TMEM184B: variants seen among roughly 807,000 people sequenced by gnomAD.
The protein encoded by TMEM184B is putative MAPK-activating protein FM08.
TMEM184B carries 17 observed loss-of-function variants against 41.8 expected under a neutral mutation model. The ratio of observed to expected loss-of-function variants is 0.41; its 90% confidence interval spans 0.28 to 0.61. The LOEUF (loss-of-function observed/expected upper bound fraction) is 0.61, where lower values mean the gene tolerates loss of function less well. Among genes scored for constraint, TMEM184B ranks in the 20% least tolerant of loss-of-function variants. The pLI is 0.34. For missense variants in TMEM184B, 393 were observed against 557.8 expected, an observed-to-expected ratio of 0.70 and a Z score of 2.98; for synonymous variants, 240 against 229.5, an observed-to-expected ratio of 1.05 and a Z score of -0.41.
rs775892838 is a variant in TMEM184B, at chr22:38,247,914, C to T, written c.48G>A (p.Thr16=). ...AGACGCTGGGCGAGGCTGCTGCGGT[C>T]GTGGGCGACGCTGGATCCGGGGCCA... ...DVLAPDPASP[T]TAAASPSVSV... The change falls in exon 2 of 9, where the codon ACG becomes ACA. Residue 16 remains threonine, a synonymous_variant. Transcript: ENST00000361906. The T allele has an allele frequency of 1.1e-5, 18 of 1,602,994 alleles. No homozygotes were observed. In the South Asian group the frequency reaches 1.6e-4, roughly 14 times the overall value.
chr22:38,254,155 C>G (rs1019887062), intron 1 of TMEM184B, among the ~76,000 whole-genome samples: 1 of 145,306 alleles, frequency 6.9e-6, no homozygotes, highest in South Asian at 2.3e-4. Context: ...GAGCCAAGAT[C>G]GTGCCATTGC....
chr22:38,255,823 G>C (rs2092267782), intron 1 of TMEM184B, among the ~76,000 whole-genome samples: 1 of 152,180 alleles, frequency 6.6e-6, no homozygotes, highest in Non-Finnish European at 1.5e-5. Flanking sequence ...TGCTCAAAAT[G>C]ACAAAGCTAT....
rs759106919 is a variant in TMEM184B at position 38,230,658 on chromosome 22, G to A, written c.525+11C>T. ...CTCCTCCTGAGCTAGGCAGCTGCTG[G>A]GGGCACACACCTGTTTGCAGAACCT... On this transcript the variant is annotated intron_variant, in intron 5 of 8. Transcript: ENST00000361906. The A allele has an allele frequency of 3.1e-6, 5 of 1,607,274 alleles. No homozygotes were observed. The highest frequency in any genetic ancestry group is 8.5e-7 in the Non-Finnish European group (1 of 1,177,162).
chr22:38,249,204 C>T lies in TMEM184B; in HGVS notation c.-58-1185G>A, dbSNP rs112296323. 3.9e-5 allele frequency among the ~76,000 whole-genome samples: 6 copies of T among 152,312 alleles called. 1 individual carries two copies. The highest frequency in any genetic ancestry group is 1.4e-4 in the African/African-American group (6 of 41,558). ...TCGCTCTGTTGCCCAGGCTAGAGTG[C>T]AATGGTGCAATCTCGGCTCCCTGCG... On this transcript the variant is annotated intron_variant, in intron 1 of 8. Coordinates refer to ENST00000361906, the MANE Select transcript of TMEM184B (RefSeq NM_012264.5).
chr22:38,272,340 T>G (rs915031925), intron 1 of TMEM184B, among the ~76,000 whole-genome samples: 8 of 152,096 alleles, frequency 5.3e-5, no homozygotes, highest in African/African-American at 1.9e-4. Flanking sequence ...GGCAAACATC[T>G]TTCGAGCCCC....
rs896642294 is a variant in TMEM184B at position 38,226,019 on chromosome 22, C to T, written c.618-426G>A. ...CACCTGCCCTGGCAGGGCTGTTACA[C>T]AGTTCACAGACAGTGTGTGCCGAGA... On this transcript the variant is annotated intron_variant, in intron 6 of 8. Coordinates refer to ENST00000361906, the MANE Select transcript of TMEM184B (RefSeq NM_012264.5). This position sits in a 1 kb window ranked among gnomAD's most constrained non-coding sequence, Gnocchi z 4.6. Among the ~76,000 whole-genome samples the T allele has an allele frequency of 2.0e-5, 3 of 152,068 alleles. No homozygotes were observed. Among genetic ancestry groups the T allele is most frequent in the Admixed American group, 1.3e-4 (2 of 15,262 alleles).
chr22:38,230,640 T>G (rs1336177839), intron 5 of TMEM184B, 29 bp downstream of exon 5: 7 of 1,597,498 alleles, frequency 4.4e-6, no homozygotes, highest in Non-Finnish European at 5.1e-6. Context: ...CTGCTCCTCC[T>G]GAGCTAGGCA....
chr22:38,266,390 T>C (rs12485196), intron 1 of TMEM184B, among the ~76,000 whole-genome samples: 25,935 of 152,268 alleles, frequency 0.17, 2,392 homozygotes, highest in East Asian at 0.25. Flanking sequence ...AGGGTACGAA[T>C]AGCGCCCCTT....
intron 1 of TMEM184B, among the ~76,000 whole-genome samples, chr22:38,272,344 G>C (rs2092537133): frequency 6.6e-6 from 1 of 152,108 alleles, no homozygotes; most frequent in Non-Finnish European, 1.5e-5. Context: ...AACATCTTTC[G>C]AGCCCCAGGT....
At chr22:38,272,669 G>A (rs1172566048) in intron 1 of TMEM184B, 1 of 985,552 alleles carries the variant, frequency 1.0e-6, no homozygotes, top group Non-Finnish European at 1.2e-6. Flanking sequence ...ACACCCACGG[G>A]CGACCTCGCG....
At chr22:38,229,065 G>A (rs2091534478) in intron 5 of TMEM184B, among the ~76,000 whole-genome samples, 1 of 152,264 alleles carries the variant, frequency 6.6e-6, no homozygotes, top group African/African-American at 2.4e-5. Flanking sequence ...TCTGGAAGCA[G>A]AACTGGAGAC....
intron 5 of TMEM184B, among the ~76,000 whole-genome samples, chr22:38,230,221 C>T (rs1034974286): frequency 1.3e-5 from 2 of 152,130 alleles, no homozygotes; most frequent in African/African-American, 4.8e-5. Context: ...GGAAGTCAGC[C>T]CAGGAAGCTA....
chr22:38,269,260 C>T (rs994578634), intron 1 of TMEM184B, among the ~76,000 whole-genome samples: 6 of 152,226 alleles, frequency 3.9e-5, no homozygotes, highest in Non-Finnish European at 7.3e-5. Context: ...TTCTATCACC[C>T]ACCAGACTGG....
rs34060428 is a variant in TMEM184B, at chr22:38,241,883, C to CAAAAAAAAAAAAAAAAA, written c.358+4035_358+4051dup. Among the ~76,000 whole-genome samples, 98 of 32,598 alleles carry CAAAAAAAAAAAAAAAAA rather than the reference C, an allele frequency of 3.0e-3. 5 individuals carry two copies. The highest frequency in any genetic ancestry group is 0.019 in the Middle Eastern group (1 of 54). The allele number at this position is 32,598 out of a possible 152,430, so 21.4% of individuals were successfully genotyped here. On this transcript the variant is annotated intron_variant, in intron 3 of 8. Transcript: ENST00000361906. ...TGGGTGACAGAGCGAGACTCCGTCT[C>CAAAAAAAAAAAAAAAAA]AAAAAAAAAAAAAAAAAAAAAAAAG...
At chr22:38,253,835 G>C (rs1190778690) in intron 1 of TMEM184B, among the ~76,000 whole-genome samples, 1 of 152,194 alleles carries the variant, frequency 6.6e-6, no homozygotes, top group East Asian at 1.9e-4. Flanking sequence ...ACAAGCCACA[G>C]AGTGGAAGAA....
At position 38,241,911 on chromosome 22, in the gene TMEM184B, C is replaced by T. The variant is rs574939973; in HGVS notation, c.358+4024G>A. ...AAAAAAAAAAAAAAAAAAAAAAGAA[C>T]GAGACCTGTCTCTTAAACAAAGCCC... is the stretch of plus-strand genomic sequence containing the variant. On this transcript the variant is annotated intron_variant, in intron 3 of 8. Coordinates refer to ENST00000361906, the MANE Select transcript of TMEM184B (RefSeq NM_012264.5). Among the ~76,000 whole-genome samples, 17 of 95,434 alleles carry T rather than the reference C, an allele frequency of 1.8e-4. 1 individual carries two copies. The highest frequency in any genetic ancestry group is 3.6e-4 in the Non-Finnish European group (17 of 46,664). 62.6% of individuals were successfully genotyped at this position (95,434 alleles called of 152,430 possible). A position where few individuals can be genotyped will look rare whatever the true frequency, so the allele number is the denominator to read the frequency against.
chr22:38,252,750 C>T (rs1168210173), intron 1 of TMEM184B, among the ~76,000 whole-genome samples: 3 of 152,238 alleles, frequency 2.0e-5, no homozygotes, highest in Non-Finnish European at 2.9e-5. Flanking sequence ...GCAACCTGCG[C>T]GGGTACTTCT....
At chr22:38,234,112 C>T (rs998324707) in intron 3 of TMEM184B, among the ~76,000 whole-genome samples, 1 of 152,198 alleles carries the variant, frequency 6.6e-6, no homozygotes, top group Non-Finnish European at 1.5e-5. Flanking sequence ...GATGCTGACA[C>T]CCCTCCTCTG....
chr22:38,268,719 T>G (rs2092478873), intron 1 of TMEM184B, among the ~76,000 whole-genome samples: 1 of 152,240 alleles, frequency 6.6e-6, no homozygotes, highest in Admixed American at 6.5e-5. Flanking sequence ...TCCTCCACCT[T>G]AATACACATC....
Sources: gnomAD v4.1 joint callset for allele counts (sites outside exome capture counted in the v4.1 genomes callset) on GRCh38, gnomAD v4.1.1 for gene constraint, Gnocchi (gnomAD v3.1) non-coding constraint, MANE v1.5 for transcripts, NCBI Gene and HGNC (gene_info 2026-07-23, HGNC 2026-07-21) for gene names.